Variants in QTMAN observed in about 807,000 individuals in gnomAD.
QTMAN encodes queuosine-tRNA mannosyltransferase.
chr2:144,125,248 CTTTTT>C, the QTMAN span, among the ~76,000 whole-genome samples: 3 of 149,158 alleles, frequency 2.0e-5, no homozygotes, highest in South Asian at 6.3e-4. Flanking sequence ...TTTTTTTTTT[CTTTTT>C]AAGTCTCAAC....
chr2:144,131,310 C>G, the QTMAN span, among the ~76,000 whole-genome samples: 1 of 151,804 alleles, frequency 6.6e-6, no homozygotes, highest in Admixed American at 6.6e-5. Context: ...ATCAATACTT[C>G]GAAATCTCCC....
the QTMAN span, among the ~76,000 whole-genome samples, chr2:144,215,680 T>A: frequency 6.6e-6 from 1 of 152,332 alleles, no homozygotes; most frequent in Non-Finnish European, 1.5e-5. Context: ...ATGAATTCGT[T>A]CTACTGAATA....
chr2:144,219,782 A>G, the QTMAN span, among the ~76,000 whole-genome samples: 1 of 152,170 alleles, frequency 6.6e-6, no homozygotes, highest in Admixed American at 6.5e-5. Context: ...AAATCATGCC[A>G]CTGCACTCCA....
At chr2:144,169,073 C>T in the QTMAN span, among the ~76,000 whole-genome samples, 5 of 151,976 alleles carry the variant, frequency 3.3e-5, no homozygotes, top group East Asian at 5.8e-4. Flanking sequence ...GTTCAATGTC[C>T]CTTATAATAA....
the QTMAN span, among the ~76,000 whole-genome samples, chr2:144,055,411 T>TG: frequency 5.3e-5 from 8 of 150,272 alleles, no homozygotes; most frequent in African/African-American, 1.7e-4. Context: ...CAAGTGGAGT[T>TG]TTTTTTTTTA....
At chr2:144,133,448 TAATATATA>T in the QTMAN span, among the ~76,000 whole-genome samples, 2 of 60,280 alleles carry the variant, frequency 3.3e-5, no homozygotes, top group East Asian at 6.2e-4. Context: ...ATATAATATA[TAATATATA>T]ATATATATTA....
the QTMAN span, among the ~76,000 whole-genome samples, chr2:144,068,100 TTA>T: frequency 6.6e-6 from 1 of 152,162 alleles, no homozygotes; most frequent in East Asian, 1.9e-4. Context: ...ATTAAAAGGG[TTA>T]TATGAGTTGA....
the QTMAN span, among the ~76,000 whole-genome samples, chr2:143,958,234 T>C: frequency 6.6e-6 from 1 of 152,124 alleles, no homozygotes; most frequent in Non-Finnish European, 1.5e-5. Flanking sequence ...TTCTAAGTAA[T>C]GTAGACATAA....
the QTMAN span, among the ~76,000 whole-genome samples, chr2:143,965,188 A>C: frequency 6.6e-6 from 1 of 152,110 alleles, no homozygotes; most frequent in African/African-American, 2.4e-5. Context: ...AGTCTGATGC[A>C]GATGCTTTAT....
chr2:144,109,924 C>G, the QTMAN span, among the ~76,000 whole-genome samples: 1 of 152,176 alleles, frequency 6.6e-6, no homozygotes, highest in African/African-American at 2.4e-5. Flanking sequence ...GAAATAGGAA[C>G]ACTTTTACAC....
At chr2:144,288,997 T>C in the QTMAN span, among the ~76,000 whole-genome samples, 2 of 151,232 alleles carry the variant, frequency 1.3e-5, no homozygotes, top group South Asian at 4.2e-4. Context: ...TCAAACTATA[T>C]TAAGAAAATA....
chr2:144,324,783 A>C, the QTMAN span, among the ~76,000 whole-genome samples: 2 of 152,100 alleles, frequency 1.3e-5, no homozygotes, highest in South Asian at 4.1e-4. Flanking sequence ...GCTTTGAGTA[A>C]AGAAAAAAGT....
chr2:144,089,416 C>G, the QTMAN span, among the ~76,000 whole-genome samples: 1 of 151,918 alleles, frequency 6.6e-6, no homozygotes, highest in Non-Finnish European at 1.5e-5. Context: ...CATAGAATTA[C>G]CATTTAATTG....
chr2:144,013,274 C>G, the QTMAN span, among the ~76,000 whole-genome samples: 92 of 152,150 alleles, frequency 6.0e-4, 4 homozygotes, highest in East Asian at 0.015. Context: ...CCCAAGCTTA[C>G]TGGAGTAAGA....
At chr2:143,982,808 C>T in the QTMAN span, among the ~76,000 whole-genome samples, 1 of 136,418 alleles carries the variant, frequency 7.3e-6, no homozygotes, top group Non-Finnish European at 1.5e-5. Flanking sequence ...GAGCTGAGAT[C>T]ATGCTATCGC....
chr2:144,123,446 T>C, the QTMAN span, among the ~76,000 whole-genome samples: 1 of 152,134 alleles, frequency 6.6e-6, no homozygotes, highest in Non-Finnish European at 1.5e-5. Context: ...AGACCACAGG[T>C]GTAAACTTGA....
the QTMAN span, among the ~76,000 whole-genome samples, chr2:144,130,077 G>C: frequency 6.7e-6 from 1 of 148,490 alleles, no homozygotes; most frequent in South Asian, 2.1e-4. Flanking sequence ...ATGATACAGG[G>C]CTGACTAATT....
the QTMAN span, among the ~76,000 whole-genome samples, chr2:144,176,843 TAAAG>T: frequency 6.6e-6 from 1 of 152,314 alleles, no homozygotes; most frequent in South Asian, 2.1e-4. Context: ...CACATTGCTA[TAAAG>T]AAATACCCAA....
the QTMAN span, among the ~76,000 whole-genome samples, chr2:144,001,772 G>T: frequency 6.6e-6 from 1 of 151,460 alleles, no homozygotes; most frequent in Non-Finnish European, 1.5e-5. Flanking sequence ...TGGTCTGAGA[G>T]AGTTGACTTA....
Sources: gnomAD v4.1 joint callset for allele counts (sites outside exome capture counted in the v4.1 genomes callset) on GRCh38, gnomAD v4.1.1 for gene constraint, MANE v1.5 for transcripts, NCBI Gene and HGNC (gene_info 2026-07-23, HGNC 2026-07-21) for gene names.